TIFAB: variants seen among roughly 807,000 people sequenced by gnomAD.
The protein encoded by TIFAB is TRAF-interacting protein with FHA domain-containing protein B.
For synonymous variants in TIFAB, 116 were observed against 95.2 expected (o/e 1.22, Z -1.27); for missense variants, 222 against 203.6 (o/e 1.09, Z -0.55).
In TIFAB at chr5:135,446,716, A is replaced by T; in HGVS notation, c.*2738T>A. The T allele has an allele frequency of 6.2e-7, 1 of 1,613,846 alleles. No homozygotes were observed. Among genetic ancestry groups the T allele is most frequent in the Non-Finnish European group, 8.5e-7 (1 of 1,179,778 alleles). On this transcript the variant is annotated 3_prime_UTR_variant, in exon 2 of 2. Coordinates refer to ENST00000537858, the MANE Select transcript of TIFAB (RefSeq NM_001099221.2). ...GGTAGAGTCTGAAACTACAAACCAG[A>T]TGTTTCCGGGCTCCCTCCCGCCTGG...
Position 135,447,358 on chromosome 5 carries a change from T to C in TIFAB, c.*2096A>G. 1.8e-6 allele frequency: 1 copy of C among 560,310 alleles called. No individual in the cohort carries two copies. Among genetic ancestry groups the C allele is most frequent in the Non-Finnish European group, 3.2e-6 (1 of 309,338 alleles). 34.7% of individuals were successfully genotyped at this position (560,310 alleles called of 1,614,324 possible). On this transcript the variant is annotated 3_prime_UTR_variant, in exon 2 of 2. Transcript: ENST00000537858. Reference sequence around the variant, plus strand: ...AAGCCCTTGGGTTCTGGAGCCAGCTTACTGGGGTGTGAGTCTTCCTTAGCT... The same window carrying C: ...AAGCCCTTGGGTTCTGGAGCCAGCTCACTGGGGTGTGAGTCTTCCTTAGCT...
Position 135,449,457 on chromosome 5 carries a change from C to T in TIFAB, c.483G>A (p.Gly161=), listed in dbSNP as rs1420651119. 6.2e-7 allele frequency: 1 copy of T among 1,613,414 alleles called. No homozygotes were observed. The highest frequency in any genetic ancestry group is 1.1e-5 in the South Asian group (1 of 91,058). ...ISQGQPPPGS[G] ...AACCCCAGGCAACCTGGATCTGCTA[C>T]CCTGAACCAGGGGGAGGCTGCCCCT... The change falls in exon 2 of 2, where the codon GGG becomes GGA. Residue 161 remains glycine, a synonymous_variant. Coordinates refer to ENST00000537858, the MANE Select transcript of TIFAB (RefSeq NM_001099221.2).
rs867684751 is a variant in TIFAB, at chr5:135,446,527, C to G, written c.*2927G>C. The G allele has an allele frequency of 6.2e-7, 1 of 1,613,908 alleles. No homozygotes were observed. The highest frequency in any genetic ancestry group is 1.3e-5 in the African/African-American group (1 of 75,014). On this transcript the variant is annotated 3_prime_UTR_variant, in exon 2 of 2. Transcript: ENST00000537858. ...AGGCCCTGAAGCCAGCCTGACGGTTCCAGCTGTTAGGAGAAAGTGAAGGTG... is the reference window on the plus strand; with the variant it reads ...AGGCCCTGAAGCCAGCCTGACGGTTGCAGCTGTTAGGAGAAAGTGAAGGTG...
intron 1 of TIFAB, among the ~76,000 whole-genome samples, chr5:135,450,902 C>G (rs1769352494): frequency 6.6e-6 from 1 of 152,208 alleles, no homozygotes; most frequent in Non-Finnish European, 1.5e-5. Context: ...GGAAGGTGAC[C>G]TTTCGCTGCC....
chr5:135,449,998 T>G, intron 1 of TIFAB, 49 bp from the exon 2 acceptor site: 1 of 1,508,370 alleles, frequency 6.6e-7, no homozygotes, highest in Non-Finnish European at 8.9e-7. Flanking sequence ...GTCAGAGACC[T>G]CTGTGGCTCC....
chr5:135,449,534 G>A lies in TIFAB; in HGVS notation c.406C>T (p.Leu136=), dbSNP rs868415467. ...TCCTCAGCCTCAGGTCTGTAAATCA[G>A]GGGTGAAGGGCTGACATGGAAATAG... ...VCYFHVSPSP[L]IYRPEAEETD... The change falls in exon 2 of 2, where the codon CTG becomes TTG. Residue 136 remains leucine (L), a synonymous_variant. Transcript: ENST00000537858. The A allele has an allele frequency of 1.9e-6, 3 of 1,614,204 alleles. No individual in the cohort carries two copies. The highest frequency in any genetic ancestry group is 1.7e-4 in the Middle Eastern group (1 of 6,060).
rs1769328775 is a variant in TIFAB, at chr5:135,449,524, C to T, written c.416G>A (p.Arg139Lys). 3 of 1,614,090 alleles carry T rather than the reference C, an allele frequency of 1.9e-6. No homozygotes were observed. In the South Asian group the frequency reaches 3.3e-5, roughly 18 times the overall value. The change falls in exon 2 of 2, where the codon AGA (arginine) becomes AAA (lysine). Residue 139 changes from arginine (R) to lysine (K), a missense_variant. Physicochemically the swap from Arg to Lys is conservative, Grantham distance 26. Transcript: ENST00000537858. ...FHVSPSPLIY[R>K]PEAEETDEWE... ...TTCGTCAGTTTCCTCAGCCTCAGGT[C>T]TGTAAATCAGGGGTGAAGGGCTGAC... is the stretch of plus-strand genomic sequence containing the variant.
Position 135,449,344 on chromosome 5 carries a change from TG to T in TIFAB, c.*109del. 2 of 1,474,202 alleles carry T rather than the reference TG, an allele frequency of 1.4e-6. No individual in the cohort carries two copies. Among genetic ancestry groups the T allele is most frequent in the Non-Finnish European group, 1.8e-6 (2 of 1,096,076 alleles). The allele number at this position is 1,474,202 out of a possible 1,614,324, so 91.3% of individuals were successfully genotyped here. A position where few individuals can be genotyped will look rare whatever the true frequency, so the allele number is the denominator to read the frequency against. ...GGCAGGGCTAGCAGAGTGCACTGTCTGGGGGTTCCCTCTGGAGCTGTATTTC... is the reference window on the plus strand; with the variant it reads ...GGCAGGGCTAGCAGAGTGCACTGTCTGGGGTTCCCTCTGGAGCTGTATTTC... On this transcript the variant is annotated 3_prime_UTR_variant, in exon 2 of 2. Coordinates refer to ENST00000537858, the MANE Select transcript of TIFAB (RefSeq NM_001099221.2).
rs1769296370 is a variant in TIFAB at position 135,447,703 on chromosome 5, G to A, written c.*1751C>T. 6.4e-6 allele frequency: 1 copy of A among 156,520 alleles called. No individual in the cohort carries two copies. Among genetic ancestry groups the A allele is most frequent in the Non-Finnish European group, 1.4e-5 (1 of 70,548 alleles). 9.7% of individuals were successfully genotyped at this position (156,520 alleles called of 1,614,324 possible). The stretch of plus-strand genomic sequence containing the variant: ...CTAGCAGAGTGCTAAGCACATGGTA[G>A]GCACTCAACAGGCAAGGCCACTTAA... On this transcript the variant is annotated 3_prime_UTR_variant, in exon 2 of 2. Coordinates refer to ENST00000537858, the MANE Select transcript of TIFAB (RefSeq NM_001099221.2).
chr5:135,451,280 A>G (rs1003076742), intron 1 of TIFAB, among the ~76,000 whole-genome samples: 14 of 152,154 alleles, frequency 9.2e-5, no homozygotes, highest in Admixed American at 7.9e-4. Context: ...CTTGAACTCA[A>G]TGTCCCTCCA....
At position 135,446,318 on chromosome 5, in the gene TIFAB, T is replaced by A. The variant is rs1197409051; in HGVS notation, c.*3136A>T. The A allele has an allele frequency of 6.5e-7, 1 of 1,535,866 alleles. No homozygotes were observed. Among genetic ancestry groups the A allele is most frequent in the Admixed American group, 1.9e-5 (1 of 51,420 alleles). On this transcript the variant is annotated 3_prime_UTR_variant, in exon 2 of 2. Transcript: ENST00000537858. ...GGGAGCAGCGTTCATGTGCACTGTATGTTCGTGTTTAGTGTATGTCTGTGC... is the reference window on the plus strand; with the variant it reads ...GGGAGCAGCGTTCATGTGCACTGTAAGTTCGTGTTTAGTGTATGTCTGTGC...
intron 1 of TIFAB, among the ~76,000 whole-genome samples, chr5:135,451,257 C>T (rs1041990009): frequency 1.3e-5 from 2 of 152,240 alleles, no homozygotes; most frequent in Admixed American, 1.3e-4. Flanking sequence ...GACAGCGAGC[C>T]TGTTGCAGGT....
At chr5:135,452,093 T>C (rs977137151) in intron 1 of TIFAB, 116 bp downstream of exon 1, 1 of 152,252 alleles carries the variant, frequency 6.6e-6, no homozygotes, top group African/African-American at 2.4e-5. Context: ...ATCCAGCCTT[T>C]GGGACGGGGC....
Position 135,447,457 on chromosome 5 carries a change from C to T in TIFAB, c.*1997G>A. ...ACCCTTATTAAGTGTGTGCTGGGCACTGATTGAATGCTTTACAGGTGTCAC... is the reference window on the plus strand; with the variant it reads ...ACCCTTATTAAGTGTGTGCTGGGCATTGATTGAATGCTTTACAGGTGTCAC... On this transcript the variant is annotated 3_prime_UTR_variant, in exon 2 of 2. Coordinates refer to ENST00000537858, the MANE Select transcript of TIFAB (RefSeq NM_001099221.2). The T allele has an allele frequency of 3.3e-6, 1 of 304,398 alleles. No homozygotes were observed. The highest frequency in any genetic ancestry group is 6.1e-6 in the Non-Finnish European group (1 of 163,884). 18.9% of individuals were successfully genotyped at this position (304,398 alleles called of 1,614,324 possible). A position where few individuals can be genotyped will look rare whatever the true frequency, so the allele number is the denominator to read the frequency against.
chr5:135,451,477 TTTTTTTTC>T (rs1769361503), intron 1 of TIFAB, among the ~76,000 whole-genome samples: 1 of 146,314 alleles, frequency 6.8e-6, no homozygotes, highest in Non-Finnish European at 1.5e-5. Context: ...AAAGCCTTTC[TTTTTTTTC>T]TTTTTTTTTT....
Position 135,448,832 on chromosome 5 carries a change from A to G in TIFAB, c.*622T>C, listed in dbSNP as rs567731599. The G allele has an allele frequency of 1.3e-5, 2 of 153,796 alleles. No individual in the cohort carries two copies. Among genetic ancestry groups the G allele is most frequent in the South Asian group, 4.1e-4 (2 of 4,888 alleles). 9.5% of individuals were successfully genotyped at this position (153,796 alleles called of 1,614,324 possible). On this transcript the variant is annotated 3_prime_UTR_variant, in exon 2 of 2. Coordinates refer to ENST00000537858, the MANE Select transcript of TIFAB (RefSeq NM_001099221.2). The stretch of plus-strand genomic sequence containing the variant: ...TGACAGCGTGGCGTGCATGTGGCCC[A>G]TCTGGGGATCAGGGAATCCTATTGG...
chr5:135,446,813 G>T lies in TIFAB; in HGVS notation c.*2641C>A, dbSNP rs376193776. Reference sequence around the variant, plus strand: ...TGAGGGCCTCGCAGATGCTTCACTCGAAAGATTGGAGTTGCAGAGTCCCCT... The same window carrying T: ...TGAGGGCCTCGCAGATGCTTCACTCTAAAGATTGGAGTTGCAGAGTCCCCT... On this transcript the variant is annotated 3_prime_UTR_variant, in exon 2 of 2. Coordinates refer to ENST00000537858, the MANE Select transcript of TIFAB (RefSeq NM_001099221.2). 12 of 1,613,922 alleles carry T rather than the reference G, an allele frequency of 7.4e-6. No homozygotes were observed. Among genetic ancestry groups the T allele is most frequent in the Non-Finnish European group, 1.0e-5 (12 of 1,179,836 alleles).
intron 1 of TIFAB, chr5:135,450,553 G>A (rs1206378004): frequency 6.6e-6 from 1 of 152,242 alleles, no homozygotes; most frequent in Non-Finnish European, 1.5e-5. Flanking sequence ...AGAAACCCTG[G>A]TGAAGAGTAA....
Position 135,452,261 on chromosome 5 carries a change from G to A in TIFAB, c.-63C>T, listed in dbSNP as rs1032724320. 4 of 152,316 alleles carry A rather than the reference G, an allele frequency of 2.6e-5. No individual in the cohort carries two copies. The highest frequency in any genetic ancestry group is 9.6e-5 in the African/African-American group (4 of 41,470). 9.4% of individuals were successfully genotyped at this position (152,316 alleles called of 1,614,324 possible). A position where few individuals can be genotyped will look rare whatever the true frequency, so the allele number is the denominator to read the frequency against. ...GTCCTGCAGCTGTGAGCTCTTGAGA[G>A]GGAGTAGGCTGGTTTGGGTAGGGCT... On this transcript the variant is annotated 5_prime_UTR_variant, in exon 1 of 2. Coordinates refer to ENST00000537858, the MANE Select transcript of TIFAB (RefSeq NM_001099221.2).
Sources: allele counts gnomAD v4.1 joint callset (sites outside exome capture counted in the v4.1 genomes callset), GRCh38; gene constraint gnomAD v4.1.1; transcripts MANE v1.5; gene names NCBI Gene and HGNC (gene_info 2026-07-23, HGNC 2026-07-21).